The following AEBP2 variants were observed in gnomAD, a reference collection of about 807,000 sequenced individuals.
The protein encoded by AEBP2 is AE binding protein 2, also known as zinc finger protein AEBP2.
AEBP2 carries 10 observed loss-of-function variants against 50.8 expected under a neutral mutation model. The ratio of observed to expected loss-of-function variants is 0.20; its 90% CI spans 0.12 to 0.33. The LOEUF (loss-of-function observed/expected upper bound fraction) is 0.33. Among genes scored for constraint, AEBP2 ranks in the 10% least tolerant of loss-of-function variants. The pLI, the probability that AEBP2 is intolerant of heterozygous loss-of-function variation, is 1.00. For missense variants in AEBP2, 570 were observed against 688.0 expected, an observed-to-expected ratio of 0.83 and a Z score of 1.92; for synonymous variants, 296 against 261.3, an observed-to-expected ratio of 1.13 and a Z score of -1.28.
intron 3 of AEBP2, among the ~76,000 whole-genome samples, chr12:19,490,879 C>T (rs1257473225): frequency 1.3e-5 from 2 of 152,100 alleles, no homozygotes; most frequent in Non-Finnish European, 2.9e-5. Flanking sequence ...ATAGTGTTGG[C>T]GAGAATGTGG....
intron 1 of AEBP2, among the ~76,000 whole-genome samples, chr12:19,417,610 G>T (rs1185862673): frequency 6.6e-6 from 1 of 151,482 alleles, no homozygotes; most frequent in Non-Finnish European, 1.5e-5. Context: ...GTTTCTCCAT[G>T]TTGGCCAGGC....
intron 5 of AEBP2, among the ~76,000 whole-genome samples, chr12:19,508,259 C>T (rs1376226710): frequency 1.3e-5 from 2 of 152,106 alleles, no homozygotes; most frequent in Non-Finnish European, 2.9e-5. Flanking sequence ...CGGGGATTCA[C>T]CATGTTGTCC....
At chr12:19,404,341 GT>G (rs2095734907) in intron 1 of AEBP2, 1 of 152,294 alleles carries the variant, frequency 6.6e-6, no homozygotes, top group African/African-American at 2.4e-5. Flanking sequence ...GCTGGGTAGG[GT>G]TAAGGCCTTC....
At chr12:19,494,589 C>T (rs941930661) in intron 4 of AEBP2, among the ~76,000 whole-genome samples, 3 of 146,342 alleles carry the variant, frequency 2.0e-5, no homozygotes, top group Non-Finnish European at 4.4e-5. Flanking sequence ...CTGTGTTGGA[C>T]GGGCTGGTCT....
chr12:19,467,954 C>A (rs1161194435), intron 2 of AEBP2, among the ~76,000 whole-genome samples: 4 of 151,620 alleles, frequency 2.6e-5, no homozygotes, highest in Non-Finnish European at 5.9e-5. Flanking sequence ...TTGAATGAGT[C>A]CAGTTAACTA....
chr12:19,490,744 G>T (rs143520314), intron 3 of AEBP2, among the ~76,000 whole-genome samples: 5 of 152,262 alleles, frequency 3.3e-5, no homozygotes, highest in African/African-American at 7.2e-5. Flanking sequence ...GGGATTACAG[G>T]CATGAGCCAC....
chr12:19,508,340 T>C (rs1257386064), intron 5 of AEBP2, among the ~76,000 whole-genome samples: 1 of 152,134 alleles, frequency 6.6e-6, no homozygotes, highest in Non-Finnish European at 1.5e-5. Flanking sequence ...GGATTATAGG[T>C]GTGAGCCACT....
chr12:19,416,272 G>T (rs1208686116), intron 1 of AEBP2, among the ~76,000 whole-genome samples: 2 of 152,146 alleles, frequency 1.3e-5, no homozygotes, highest in Non-Finnish European at 2.9e-5. Context: ...TGTCCAAATT[G>T]GTTCAGGTTA....
intron 2 of AEBP2, chr12:19,466,694 T>G: frequency 4.8e-6 from 3 of 619,914 alleles, no homozygotes; most frequent in Non-Finnish European, 6.0e-6. Flanking sequence ...AAACACCTGA[T>G]TTTGTTGGCC....
chr12:19,468,826 G>C (rs1948528156), intron 2 of AEBP2, among the ~76,000 whole-genome samples: 2 of 152,180 alleles, frequency 1.3e-5, no homozygotes, highest in South Asian at 2.1e-4. Flanking sequence ...GTACTTTGTA[G>C]AGTTCTCAAC....
intron 1 of AEBP2, among the ~76,000 whole-genome samples, chr12:19,419,686 T>C (rs1476698105): frequency 1.3e-5 from 2 of 152,004 alleles, no homozygotes; most frequent in African/African-American, 2.4e-5. Flanking sequence ...TCCCAGCACT[T>C]TGGGAGGCCG....
At chr12:19,438,073 A>C (rs1304056320), upstream of AEBP2, among the ~76,000 whole-genome samples, 1 of 152,214 alleles carries the variant, frequency 6.6e-6, no homozygotes, top group Non-Finnish European at 1.5e-5. Context: ...AAAGAAAGGC[A>C]TAATTCTTCC....
chr12:19,465,973 G>A (rs1463733965), intron 2 of AEBP2, among the ~76,000 whole-genome samples: 3 of 151,378 alleles, frequency 2.0e-5, no homozygotes, highest in Non-Finnish European at 4.4e-5. Flanking sequence ...TGTATTTTTA[G>A]TATAGATGGG....
chr12:19,435,306 T>C (rs1040453949), upstream of AEBP2, among the ~76,000 whole-genome samples: 2 of 146,032 alleles, frequency 1.4e-5, no homozygotes, highest in Admixed American at 6.9e-5. Flanking sequence ...CTTGAGACGG[T>C]GTCATGCTCC....
chr12:19,507,495 T>C (rs185101461), intron 5 of AEBP2, among the ~76,000 whole-genome samples: 1 of 152,314 alleles, frequency 6.6e-6, no homozygotes, highest in Non-Finnish European at 1.5e-5. Context: ...TGAAAAGCTT[T>C]TGAGCTATGG....
At chr12:19,414,286 TTCAGCC>T (rs1437384946) in intron 1 of AEBP2, among the ~76,000 whole-genome samples, 2 of 152,152 alleles carry the variant, frequency 1.3e-5, no homozygotes, top group African/African-American at 4.8e-5. Flanking sequence ...CCCCGTAGGT[TTCAGCC>T]TCATTTTACC....
intron 3 of AEBP2, among the ~76,000 whole-genome samples, chr12:19,492,603 A>G (rs1277642747): frequency 6.6e-6 from 1 of 152,050 alleles, no homozygotes; most frequent in East Asian, 1.9e-4. Flanking sequence ...AAATAAAAAA[A>G]ATTTATTTAT....
Position 19,518,312 on chromosome 12 carries a change from ATAT to A in AEBP2, c.*198_*200del. On this transcript the variant is annotated 3_prime_UTR_variant, in exon 8 of 8. Transcript: ENST00000266508. ...AATGAAGTAGACTCTTCGGTGGAAT[ATAT>A]TAATATATTACTGTATATCCACATT... The A allele has an allele frequency of 7.8e-7, 1 of 1,280,526 alleles. No homozygotes were observed. Among genetic ancestry groups the A allele is most frequent in the Non-Finnish European group, 9.8e-7 (1 of 1,015,838 alleles). 79.3% of individuals were successfully genotyped at this position (1,280,526 alleles called of 1,614,324 possible).
At chr12:19,447,195 G>A (rs771087134) in intron 1 of AEBP2, among the ~76,000 whole-genome samples, 3 of 152,200 alleles carry the variant, frequency 2.0e-5, no homozygotes, top group African/African-American at 4.8e-5. Context: ...AAGTGTGTAC[G>A]TCTCTCAGTA....
Sources: gnomAD v4.1 joint callset for allele counts (sites outside exome capture counted in the v4.1 genomes callset) on GRCh38, gnomAD v4.1.1 for gene constraint, MANE v1.5 for transcripts, NCBI Gene and HGNC (gene_info 2026-07-23, HGNC 2026-07-21) for gene names.